The following SLC7A8 variants were observed in gnomAD, a reference collection of about 807,000 sequenced individuals.
SLC7A8 encodes the protein solute carrier family 7 member 8, also known as large neutral amino acids transporter small subunit 2.
Under a neutral mutation model 51.2 loss-of-function variants are expected in SLC7A8, and 30 were observed. The observed-to-expected ratio is 0.59, with a 90% CI of 0.44 to 0.80. SLC7A8 has a LOEUF of 0.80. SLC7A8 is among the 30% of genes least tolerant of loss of function. The pLI, the probability that SLC7A8 is intolerant of heterozygous loss-of-function variation, is 0.00. For synonymous variants in SLC7A8, 257 were observed against 275.8 expected, an observed-to-expected ratio of 0.93 and a Z score of 0.67; for missense variants, 612 against 674.4, an observed-to-expected ratio of 0.91 and a Z score of 1.03.
intron 8 of SLC7A8, 54 bp downstream of exon 8, chr14:23,131,407 C>G: frequency 7.0e-7 from 1 of 1,428,182 alleles, no homozygotes; most frequent in Admixed American, 2.3e-5. Context: ...CCAGCTTAGA[C>G]TAGGCACAAA....
intron 3 of SLC7A8, chr14:23,146,722 G>A (rs999489811): frequency 6.6e-6 from 1 of 152,236 alleles, no homozygotes; most frequent in African/African-American, 2.4e-5. Flanking sequence ...AATGGCTGCA[G>A]GCCCCAGATC....
At chr14:23,158,417 C>T (rs1435016893) in intron 3 of SLC7A8, among the ~76,000 whole-genome samples, 1 of 152,206 alleles carries the variant, frequency 6.6e-6, no homozygotes, top group Non-Finnish European at 1.5e-5. Context: ...GCAATCTCGG[C>T]TCACTGCAAC....
chr14:23,136,499 C>T (rs2048691429), intron 7 of SLC7A8, among the ~76,000 whole-genome samples: 1 of 152,170 alleles, frequency 6.6e-6, no homozygotes, highest in Non-Finnish European at 1.5e-5. Flanking sequence ...CACATCCACA[C>T]ACTCTGACTC....
Position 23,133,827 on chromosome 14 carries a change from GA to G in SLC7A8, c.1017-2271del, listed in dbSNP as rs1277769867. ...TGACAGAGTGAAACTCTGTCTCAAAGAAAAAAAAAAGGGAACATTATGTAGT... is the reference window on the plus strand; with the variant it reads ...TGACAGAGTGAAACTCTGTCTCAAAGAAAAAAAAAGGGAACATTATGTAGT... On this transcript the variant is annotated intron_variant, in intron 7 of 10. Coordinates refer to ENST00000316902, the MANE Select transcript of SLC7A8 (RefSeq NM_012244.4). 6.6e-5 allele frequency among the ~76,000 whole-genome samples: 9 copies of G among 136,198 alleles called. No homozygotes were observed. In the South Asian group the frequency reaches 1.4e-3, roughly 21 times the overall value. 89.4% of individuals were successfully genotyped at this position (136,198 alleles called of 152,430 possible).
Position 23,137,936 on chromosome 14 carries a change from A to G in SLC7A8, c.1001T>C (p.Leu334Pro). Residue 334 changes from leucine to proline, a missense_variant, in exon 7 of 11, where the codon CTC becomes CCC. Leu to Pro is a moderately conservative substitution (Grantham distance 98). Transcript: ENST00000316902. ...CAGCACTCACCGAGAGGAGGTGAAG[A>G]GAGACCCATTAACTCCTCCAAATGT... ...LSTFGGVNGSLFTSSRLFFAG... is the reference protein window; with the variant it reads ...LSTFGGVNGSPFTSSRLFFAG... 2 of 1,613,922 alleles carry G rather than the reference A, an allele frequency of 1.2e-6. No homozygotes were observed. The highest frequency in any genetic ancestry group is 1.7e-6 in the Non-Finnish European group (2 of 1,179,988).
chr14:23,182,861 C>T lies in SLC7A8; in HGVS notation c.54G>A (p.Gly18=). 1 of 1,614,106 alleles carries T rather than the reference C, an allele frequency of 6.2e-7. No individual in the cohort carries two copies. The highest frequency in any genetic ancestry group is 8.5e-7 in the Non-Finnish European group (1 of 1,180,002). ...RNNTEKKHPG[G]GESDASPEAG... is the part of the protein sequence containing the mutation. ...CCTCGGGGCTGGCGTCCGACTCGCC[C>T]CCACCTGGGTGTTTCTTTTCGGTGT... The change falls in exon 1 of 11, where the codon GGG becomes GGA. Residue 18 remains glycine (G), a synonymous_variant. Coordinates refer to ENST00000316902, the MANE Select transcript of SLC7A8 (RefSeq NM_012244.4).
At position 23,182,897 on chromosome 14, in the gene SLC7A8, C is replaced by G; in HGVS notation, c.18G>C (p.Arg6Ser). Residue 6 changes from arginine to serine, a missense_variant, in exon 1 of 11, where the codon AGG becomes AGC. Coordinates refer to ENST00000316902, the MANE Select transcript of SLC7A8 (RefSeq NM_012244.4). MEEGA[R>S]HRNNTEKKHP... is the part of the protein sequence containing the mutation. ...GTTTCTTTTCGGTGTTGTTTCGGTG[C>G]CTGGCTCCTTCTTCCATCCTTCTCA... 1 of 1,614,112 alleles carries G rather than the reference C, an allele frequency of 6.2e-7. No homozygotes were observed. Among genetic ancestry groups the G allele is most frequent in the Non-Finnish European group, 8.5e-7 (1 of 1,180,018 alleles).
At position 23,139,481 on chromosome 14, in the gene SLC7A8, G is replaced by C. The variant is rs1055224237; in HGVS notation, c.855C>G (p.Val285=). 3.1e-6 allele frequency: 5 copies of C among 1,614,016 alleles called. No individual in the cohort carries two copies. Among genetic ancestry groups the C allele is most frequent in the Non-Finnish European group, 4.2e-6 (5 of 1,180,012 alleles). ...GGGGGGACATTGCAGTGACATAAGC[G>C]ACATTGGCAAAGACATACACAAATG... ...LVTFVYVFAN[V]AYVTAMSPQE... Residue 285 remains valine, a synonymous_variant, in exon 6 of 11, where the codon GTC becomes GTG. Coordinates refer to ENST00000316902, the MANE Select transcript of SLC7A8 (RefSeq NM_012244.4).
intron 1 of SLC7A8, among the ~76,000 whole-genome samples, chr14:23,176,665 G>A (rs1207440311): frequency 6.6e-6 from 1 of 152,050 alleles, no homozygotes; most frequent in African/African-American, 2.4e-5. Flanking sequence ...ATTTAGGCTG[G>A]GCGCGGTGGC....
chr14:23,127,455 C>T, intron 10 of SLC7A8, 112 bp from the exon 11 acceptor site: 1 of 1,277,904 alleles, frequency 7.8e-7, no homozygotes, highest in African/African-American at 1.5e-5. Flanking sequence ...CTCTTCAGAG[C>T]AGTCAGTGCG....
At position 23,139,533 on chromosome 14, in the gene SLC7A8, G is replaced by A; in HGVS notation, c.803C>T (p.Ala268Val). 6.2e-7 allele frequency: 1 copy of A among 1,613,806 alleles called. No homozygotes were observed. The highest frequency in any genetic ancestry group is 8.5e-7 in the Non-Finnish European group (1 of 1,179,830). ...GACCAGTGGGATGGAGATGAAGATG[G>A]CTCTGGGAAGGTTCCTGTAGAGGGA... ...LVDPYKNLPR[A>V]IFISIPLVTF... Residue 268 changes from alanine to valine, a missense_variant, in exon 6 of 11, where the codon GCC (alanine) becomes GTC (valine). By Grantham distance (64) the Ala-to-Val change is moderately conservative. Coordinates refer to ENST00000316902, the MANE Select transcript of SLC7A8 (RefSeq NM_012244.4).
intron 1 of SLC7A8, among the ~76,000 whole-genome samples, chr14:23,175,508 CGGTACAG>C (rs1268346954): frequency 3.3e-5 from 5 of 152,132 alleles, no homozygotes; most frequent in African/African-American, 9.7e-5. Context: ...CGCACCCGGC[CGGTACAG>C]GGTGTTTTTA....
intron 3 of SLC7A8, among the ~76,000 whole-genome samples, chr14:23,144,403 T>C (rs1460114401): frequency 6.6e-6 from 1 of 151,314 alleles, no homozygotes; most frequent in African/African-American, 2.4e-5. Context: ...ATGGTTTTGA[T>C]TTGCATTTCC....
chr14:23,129,442 C>T (rs1404442322), intron 9 of SLC7A8: 2 of 546,576 alleles, frequency 3.7e-6, no homozygotes, highest in Admixed American at 3.4e-5. Context: ...TGACTTATTC[C>T]CCAGCTGCAG....
At chr14:23,148,160 G>A (rs1235901245) in intron 3 of SLC7A8, among the ~76,000 whole-genome samples, 3 of 152,138 alleles carry the variant, frequency 2.0e-5, no homozygotes, top group Admixed American at 6.5e-5. Flanking sequence ...AGATATCAAC[G>A]TTCTAATCCC....
chr14:23,167,991 A>C (rs1365309216), intron 1 of SLC7A8, among the ~76,000 whole-genome samples: 1 of 152,182 alleles, frequency 6.6e-6, no homozygotes, highest in Non-Finnish European at 1.5e-5. Context: ...TTAGATGCAG[A>C]GGAAAAGGAA....
In SLC7A8 at chr14:23,129,791, G is replaced by A; in HGVS notation, c.1122C>T (p.Ser374=). Reference sequence around the variant, plus strand: ...CGCTGGTGACCAGCATCAGCAGGGTGGAGATGCACTGGGAAAGTGGGAGGA... The same window carrying A: ...CGCTGGTGACCAGCATCAGCAGGGTAGAGATGCACTGGGAAAGTGGGAGGA... ...PIPALLFTCI[S]TLLMLVTSDM... is the part of the protein sequence containing the mutation. Residue 374 remains serine (S), a synonymous_variant, in exon 9 of 11, where the codon TCC becomes TCT. Coordinates refer to ENST00000316902, the MANE Select transcript of SLC7A8 (RefSeq NM_012244.4). 8 of 1,614,088 alleles carry A rather than the reference G, an allele frequency of 5.0e-6. No individual in the cohort carries two copies. The highest frequency in any genetic ancestry group is 5.9e-6 in the Non-Finnish European group (7 of 1,179,988).
chr14:23,134,559 T>C (rs1490115449), intron 7 of SLC7A8, among the ~76,000 whole-genome samples: 2 of 151,978 alleles, frequency 1.3e-5, no homozygotes, highest in East Asian at 1.9e-4. Flanking sequence ...TTAAACTTTT[T>C]ATTTTTCCAA....
At chr14:23,172,621 G>A (rs1008452322) in intron 1 of SLC7A8, among the ~76,000 whole-genome samples, 1 of 152,166 alleles carries the variant, frequency 6.6e-6, no homozygotes, top group Non-Finnish European at 1.5e-5. Context: ...CACAGTGAGA[G>A]GCTTTGTCTT....
Sources: allele counts gnomAD v4.1 joint callset (sites outside exome capture counted in the v4.1 genomes callset), GRCh38; gene constraint gnomAD v4.1.1; transcripts MANE v1.5; gene names NCBI Gene and HGNC (gene_info 2026-07-23, HGNC 2026-07-21).